OARD1: variants seen among roughly 807,000 people sequenced by gnomAD.
The protein encoded by OARD1 is O-acyl-ADP-ribose deacylase 1.
OARD1 carries 19 observed loss-of-function variants against 19.7 expected under a neutral mutation model. The observed-to-expected ratio is 0.96, with a 90% CI of 0.67 to 1.41. The LOEUF is 1.41. Among genes scored for constraint, OARD1 ranks in the 40% most tolerant of loss-of-function variants. The pLI is 0.00. For synonymous variants in OARD1, 70 were observed against 61.8 expected (o/e 1.13, Z -0.62); for missense variants, 190 against 183.8 (o/e 1.03, Z -0.20).
intron 1 of OARD1, among the ~76,000 whole-genome samples, chr6:41,085,604 G>A (rs1357363782): frequency 6.6e-6 from 1 of 152,118 alleles, no homozygotes; most frequent in Admixed American, 6.6e-5. Flanking sequence ...TCATATTAAT[G>A]TCTTAGTTTT....
chr6:41,090,093 G>C, intron 1 of OARD1: 1 of 695,646 alleles, frequency 1.4e-6, no homozygotes, highest in Non-Finnish European at 2.4e-6. Flanking sequence ...CCAGCCTGGC[G>C]ACAGAGTGAG....
upstream of OARD1, chr6:41,072,927 G>A (rs1198558517): frequency 6.5e-6 from 1 of 153,700 alleles, no homozygotes; most frequent in Admixed American, 6.5e-5. Flanking sequence ...CTGCGCGGAG[G>A]CGGTTGGAGG....
In OARD1 at chr6:41,065,728, AAC is replaced by A. The variant is rs1762981007; in HGVS notation, c.*1605_*1606del. 1 of 152,236 alleles carries A rather than the reference AAC, an allele frequency of 6.6e-6. No homozygotes were observed. The allele number at this position is 152,236 out of a possible 1,614,324, so 9.4% of individuals were successfully genotyped here. A position where few individuals can be genotyped will look rare whatever the true frequency, so the allele number is the denominator to read the frequency against. ...TCTTATCAGGCTGATATGTGATAAG[AAC>A]ACAGTCTAAAGTACAAAGATTATAT... On this transcript the variant is annotated 3_prime_UTR_variant, in exon 6 of 6. Coordinates refer to ENST00000424266, the MANE Select transcript of OARD1 (RefSeq NM_001329686.2).
intron 4 of OARD1, chr6:41,069,231 A>G (rs1196188889): frequency 2.5e-5 from 6 of 235,598 alleles, no homozygotes; most frequent in Non-Finnish European, 4.1e-5. Context: ...CCTATTGTCA[A>G]TATTTTTAAG....
At chr6:41,067,472 G>A (rs377306368) in intron 5 of OARD1, 35 bp from the exon 6 acceptor site, 33 of 1,416,058 alleles carry the variant, frequency 2.3e-5, no homozygotes, top group Middle Eastern at 1.8e-4. Flanking sequence ...TGATGGTAAC[G>A]AAAGTATCTA....
intron 1 of OARD1, chr6:41,094,541 A>G: frequency 6.6e-7 from 1 of 1,512,470 alleles, no homozygotes; most frequent in Non-Finnish European, 9.2e-7. Context: ...ATTACCTTGT[A>G]TTGACTTGAG....
At chr6:41,089,493 T>G (rs1764140180) in intron 1 of OARD1, 1 of 1,382,116 alleles carries the variant, frequency 7.2e-7, no homozygotes. Flanking sequence ...ATTTTCTGCT[T>G]TCTAGAGAAA....
upstream of OARD1, among the ~76,000 whole-genome samples, chr6:41,074,341 T>C (rs1282142988): frequency 6.6e-6 from 1 of 152,128 alleles, no homozygotes; most frequent in Non-Finnish European, 1.5e-5. Context: ...AATCCGTGTG[T>C]TAGGGAGGGA....
chr6:41,089,134 C>T (rs1764129206), intron 1 of OARD1, among the ~76,000 whole-genome samples: 1 of 152,026 alleles, frequency 6.6e-6, no homozygotes, highest in Non-Finnish European at 1.5e-5. Flanking sequence ...CAGGCATGCA[C>T]CACCATGCCC....
chr6:41,068,934 G>A lies in OARD1; in HGVS notation c.263C>T (p.Ser88Leu), dbSNP rs770268622. ...TAAGTTTTCATAAGTTGGCTTGTGCGAAGCCCTTTTCTTTGTAATCTGAAC... is the reference window on the plus strand; with the variant it reads ...TAAGTTTTCATAAGTTGGCTTGTGCAAAGCCCTTTTCTTTGTAATCTGAAC... The part of the protein sequence containing the change: ...IYYLITKKRA[S>L]HKPTYENLQK... Residue 88 changes from serine to leucine, a missense_variant, in exon 5 of 6, where the codon TCG becomes TTG. Coordinates refer to ENST00000424266, the MANE Select transcript of OARD1 (RefSeq NM_001329686.2). 1.6e-5 allele frequency: 25 copies of A among 1,601,472 alleles called. No individual in the cohort carries two copies. The Admixed American group carries it at 2.4e-4, about 15-fold the overall frequency.
chr6:41,068,585 T>C (rs1763147933), intron 5 of OARD1, among the ~76,000 whole-genome samples: 1 of 152,220 alleles, frequency 6.6e-6, no homozygotes, highest in South Asian at 2.1e-4. Context: ...ATGACAATGG[T>C]CGCTCTCTGC....
In OARD1 at chr6:41,067,320, A is replaced by G. The variant is rs749762738; in HGVS notation, c.*15T>C. 9 of 1,559,246 alleles carry G rather than the reference A, an allele frequency of 5.8e-6. No individual in the cohort carries two copies. Among genetic ancestry groups the G allele is most frequent in the Admixed American group, 1.7e-5 (1 of 59,538 alleles). On this transcript the variant is annotated 3_prime_UTR_variant, in exon 6 of 6. Transcript: ENST00000424266. ...GACACAGGAGAACACGGAAACATCCAAAATGTTCACTGGTTCAGAGTGTGT... is the reference window on the plus strand; with the variant it reads ...GACACAGGAGAACACGGAAACATCCGAAATGTTCACTGGTTCAGAGTGTGT...
At chr6:41,084,515 G>A (rs1034641826) in intron 1 of OARD1, among the ~76,000 whole-genome samples, 36 of 152,198 alleles carry the variant, frequency 2.4e-4, no homozygotes, top group African/African-American at 8.2e-4. Flanking sequence ...ATAACAAAAC[G>A]AGCAAAAAGT....
chr6:41,096,169 A>T (rs1487273737), intron 1 of OARD1, among the ~76,000 whole-genome samples: 1 of 152,154 alleles, frequency 6.6e-6, no homozygotes, highest in African/African-American at 2.4e-5. Flanking sequence ...CAAATCTCAA[A>T]CTATTTCTGT....
intron 1 of OARD1, chr6:41,091,579 G>C (rs995227600): frequency 6.2e-7 from 1 of 1,614,180 alleles, no homozygotes; most frequent in Admixed American, 1.7e-5. Context: ...AGTTTGGCAG[G>C]AGCACAGATT....
upstream of OARD1, among the ~76,000 whole-genome samples, chr6:41,074,539 A>G (rs919695484): frequency 2.6e-5 from 4 of 152,214 alleles, no homozygotes; most frequent in African/African-American, 9.7e-5. Flanking sequence ...AATGATGGTA[A>G]TTCTTCCACA....
intron 1 of OARD1, among the ~76,000 whole-genome samples, chr6:41,083,069 T>C (rs1044936612): frequency 6.6e-6 from 1 of 152,226 alleles, no homozygotes; most frequent in Non-Finnish European, 1.5e-5. Context: ...GAATATTCTG[T>C]TCTAAGTAAT....
chr6:41,094,545 A>T, intron 1 of OARD1: 1 of 1,478,740 alleles, frequency 6.8e-7, no homozygotes, highest in Non-Finnish European at 9.4e-7. Flanking sequence ...CCTTGTATTG[A>T]CTTGAGTTGA....
At chr6:41,094,525 C>A in intron 1 of OARD1, 1 of 1,562,566 alleles carries the variant, frequency 6.4e-7, no homozygotes, top group Non-Finnish European at 8.8e-7. Context: ...TTTTATTCTT[C>A]TCTTTATTAC....
Sources: gnomAD v4.1 joint callset for allele counts (sites outside exome capture counted in the v4.1 genomes callset) on GRCh38, gnomAD v4.1.1 for gene constraint, MANE v1.5 for transcripts, NCBI Gene and HGNC (gene_info 2026-07-23, HGNC 2026-07-21) for gene names.